The following PCDHA9 variants were observed in gnomAD, a reference collection of about 807,000 sequenced individuals.
PCDHA9 encodes protocadherin alpha-9.
In PCDHA9, 62 loss-of-function variants were observed where a neutral mutation model predicts 62.0. That is an observed-to-expected ratio of 1.00 (90% CI 0.81 to 1.23). The LOEUF (loss-of-function observed/expected upper bound fraction) is 1.23, where lower values mean the gene tolerates loss of function less well. Among genes scored for constraint, PCDHA9 ranks in the 50% most tolerant of loss-of-function variants. The pLI is 0.00. For synonymous variants in PCDHA9, 557 were observed against 567.6 expected, an observed-to-expected ratio of 0.98 and a Z score of 0.27; for missense variants, 1,205 against 1,249.8, an observed-to-expected ratio of 0.96 and a Z score of 0.54.
chr5:140,963,032 T>C (rs541613535), intron 1 of PCDHA9, among the ~76,000 whole-genome samples: 8 of 152,290 alleles, frequency 5.3e-5, no homozygotes, highest in African/African-American at 1.9e-4. Context: ...CAATTAACAT[T>C]TATTGAGAGT....
Position 140,885,566 on chromosome 5 carries a change from G to A in PCDHA9, c.2394+34677G>A, listed in dbSNP as rs190303990. On this transcript the variant is annotated intron_variant, in intron 1 of 3. Transcript: ENST00000532602. The stretch of plus-strand genomic sequence containing the variant: ...TGGTGTTATTTCTACGAAATTGATT[G>A]TCAGATGTGGAATTGATGCATCAAA... Among the ~76,000 whole-genome samples, 467 of 152,160 alleles carry A rather than the reference G, an allele frequency of 3.1e-3. 3 individuals carry two copies. The highest frequency in any genetic ancestry group is 0.014 in the Middle Eastern group (4 of 294).
chr5:141,001,401 G>A (rs190876782), intron 3 of PCDHA9, among the ~76,000 whole-genome samples: 12 of 152,314 alleles, frequency 7.9e-5, no homozygotes, highest in African/African-American at 2.4e-4. Context: ...AGAGAACAGG[G>A]AGTATATTTT....
chr5:140,866,363 C>T (rs550714417), intron 1 of PCDHA9: 20 of 152,216 alleles, frequency 1.3e-4, no homozygotes, highest in Non-Finnish European at 2.2e-4. Context: ...TACAATATTG[C>T]ATACTTCAAT....
chr5:141,008,359 G>A (rs1369587129), intron 3 of PCDHA9, among the ~76,000 whole-genome samples: 1 of 152,150 alleles, frequency 6.6e-6, no homozygotes, highest in Non-Finnish European at 1.5e-5. Flanking sequence ...GTCAACCAAA[G>A]GAGCAGTGTT....
At chr5:140,975,056 A>G (rs1006106436) in intron 1 of PCDHA9, among the ~76,000 whole-genome samples, 3 of 152,154 alleles carry the variant, frequency 2.0e-5, no homozygotes, top group Non-Finnish European at 4.4e-5. Flanking sequence ...AGAATCTACT[A>G]TCGAGCTCAT....
At chr5:140,999,666 G>A (rs185222092) in intron 3 of PCDHA9, among the ~76,000 whole-genome samples, 194 of 152,216 alleles carry the variant, frequency 1.3e-3, no homozygotes, top group African/African-American at 4.4e-3. Flanking sequence ...GCTGGGTTGC[G>A]GGGGGCTCAC....
intron 1 of PCDHA9, chr5:140,857,704 G>A: frequency 6.3e-7 from 1 of 1,597,424 alleles, no homozygotes; most frequent in Non-Finnish European, 8.6e-7. Flanking sequence ...CGCTGCAGGT[G>A]TTCGTGCTGG....
At chr5:140,857,418 C>T in intron 1 of PCDHA9, 1 of 1,598,514 alleles carries the variant, frequency 6.3e-7, no homozygotes, top group South Asian at 1.1e-5. Context: ...TTCGCGCAGT[C>T]CGAGTACACG....
Position 140,978,953 on chromosome 5 carries a change from G to T in PCDHA9, c.2399G>T (p.Arg800Leu), listed in dbSNP as rs781913955. The T allele has an allele frequency of 6.2e-7, 1 of 1,614,048 alleles. No individual in the cohort carries two copies. Among genetic ancestry groups the T allele is most frequent in the Admixed American group, 1.7e-5 (1 of 59,996 alleles). The change falls in exon 2 of 4, where the codon CGA becomes CTA. Residue 800 changes from arginine to leucine, a missense_variant. Physicochemically the swap from Arg to Leu is moderately radical, Grantham distance 102 (BLOSUM62 -2). Coordinates refer to ENST00000532602, the MANE Select transcript of PCDHA9 (RefSeq NM_031857.2). ...ACTCTCTTTGTGATTTTGCAGCCAC[G>T]ACAGCCCAACCCTGACTGGCGTTAC... ...SASSDSTGKP[R>L]QPNPDWRYSA... is the part of the protein sequence containing the mutation.
Position 140,927,154 on chromosome 5 carries a change from A to C in PCDHA9, c.2395-51795A>C, listed in dbSNP as rs141284501. 8 of 1,614,050 alleles carry C rather than the reference A, an allele frequency of 5.0e-6. No individual in the cohort carries two copies. The African/African-American group carries it at 8.0e-5, about 16-fold the overall frequency. On this transcript the variant is annotated intron_variant, in intron 1 of 3. Transcript: ENST00000532602. ...GCCGGCGGACCGCGAACAGCTGTGC[A>C]GGGCCAAAGCTGCCTGCGTCTTGAC...
At chr5:140,926,654 C>G (rs2083445492) in intron 1 of PCDHA9, 1 of 514,022 alleles carries the variant, frequency 1.9e-6, no homozygotes, top group Non-Finnish European at 3.1e-6. Flanking sequence ...GCCGGCTCCG[C>G]TTTCCCAGAC....
rs782074950 is a variant in PCDHA9, at chr5:140,851,878, A to G, written c.2394+989A>G. On this transcript the variant is annotated intron_variant, in intron 1 of 3. Transcript: ENST00000532602. ...AGCTCATACATAACACAAGGCAGAA[A>G]TCTGGATATGAGATTTGCCTCTTTA... is the stretch of plus-strand genomic sequence containing the variant. 6.1e-6 allele frequency: 6 copies of G among 977,806 alleles called. 1 individual carries two copies. The highest frequency in any genetic ancestry group is 7.4e-6 in the Non-Finnish European group (6 of 810,298). The allele number at this position is 977,806 out of a possible 1,614,324, so 60.6% of individuals were successfully genotyped here.
At chr5:140,922,815 C>G (rs2081002299) in intron 1 of PCDHA9, among the ~76,000 whole-genome samples, 2 of 152,158 alleles carry the variant, frequency 1.3e-5, no homozygotes, top group Non-Finnish European at 2.9e-5. Context: ...AAAGGAGATA[C>G]AGCATACTGC....
chr5:140,882,161 T>C (rs1235221234), intron 1 of PCDHA9: 1 of 1,509,194 alleles, frequency 6.6e-7, no homozygotes, highest in African/African-American at 1.4e-5. Flanking sequence ...GGAATACCTC[T>C]TGCGAATCCT....
intron 1 of PCDHA9, among the ~76,000 whole-genome samples, chr5:140,905,354 A>T (rs926429746): frequency 3.3e-5 from 5 of 152,030 alleles, no homozygotes; most frequent in Non-Finnish European, 5.9e-5. Context: ...TAAGTATTTG[A>T]CTATATTTCT....
At chr5:140,961,864 AG>A (rs2095638942) in intron 1 of PCDHA9, among the ~76,000 whole-genome samples, 3 of 151,832 alleles carry the variant, frequency 2.0e-5, no homozygotes, top group Non-Finnish European at 2.9e-5. Context: ...ATCTGGCCAC[AG>A]ATAATTGACT....
chr5:140,883,394 G>T, intron 1 of PCDHA9: 2 of 1,614,124 alleles, frequency 1.2e-6, no homozygotes, highest in South Asian at 2.2e-5. Context: ...CAGTGTGTCC[G>T]ATCGTGACTC....
rs999939821 is a variant in PCDHA9, at chr5:140,972,909, G to A, written c.2395-6040G>A. ...GATCTCTTGACCTTGTGATCCACCC[G>A]CCTTGGCCTCCCAAAGTGCTGGGAT... is the stretch of plus-strand genomic sequence containing the variant. On this transcript the variant is annotated intron_variant, in intron 1 of 3. Transcript: ENST00000532602. 5.3e-4 allele frequency among the ~76,000 whole-genome samples: 80 copies of A among 152,056 alleles called. 1 individual carries two copies. Among genetic ancestry groups the A allele is most frequent in the African/African-American group, 1.8e-3 (75 of 41,484 alleles).
At chr5:140,922,166 G>A (rs1304025068) in intron 1 of PCDHA9, among the ~76,000 whole-genome samples, 1 of 143,464 alleles carries the variant, frequency 7.0e-6, no homozygotes, top group East Asian at 2.2e-4. Flanking sequence ...ACAACAAAAA[G>A]TACAGCAGAC....
Sources: allele counts gnomAD v4.1 joint callset (sites outside exome capture counted in the v4.1 genomes callset), GRCh38; gene constraint gnomAD v4.1.1; transcripts MANE v1.5; gene names NCBI Gene and HGNC (gene_info 2026-07-23, HGNC 2026-07-21).